Variants in GLYR1 observed in about 807,000 individuals in gnomAD.
GLYR1 encodes cytokine-like nuclear factor N-PAC.
A neutral mutation model predicts 72.7 loss-of-function variants in GLYR1; 21 were observed. The ratio of observed to expected loss-of-function variants is 0.29; its 90% confidence interval spans 0.20 to 0.42. GLYR1 has a LOEUF of 0.42. Ranked by LOEUF, GLYR1 falls within the 10% of genes least tolerant of loss-of-function variation. The pLI is 1.00. For missense variants in GLYR1, 594 were observed against 712.1 expected, an observed-to-expected ratio of 0.83 and a Z score of 1.89; for synonymous variants, 392 against 270.2, an observed-to-expected ratio of 1.45 and a Z score of -4.42.
intron 14 of GLYR1, 76 bp from the exon 15 acceptor site, chr16:4,811,370 A>G: frequency 1.3e-6 from 2 of 1,582,802 alleles, no homozygotes; most frequent in Non-Finnish European, 8.6e-7. Context: ...ACCAGGTGTC[A>G]GTACCTAAAA....
chr16:4,846,896 A>G (rs977764811), intron 1 of GLYR1: 1 of 398,650 alleles, frequency 2.5e-6, no homozygotes, highest in Non-Finnish European at 4.5e-6. Context: ...GGAAGCCCCA[A>G]CAAGACCCCG....
intron 2 of GLYR1, among the ~76,000 whole-genome samples, chr16:4,845,930 T>C (rs2085992773): frequency 6.6e-6 from 1 of 152,164 alleles, no homozygotes; most frequent in Admixed American, 6.5e-5. Flanking sequence ...ATTTCCGGGG[T>C]TAAAAAAGAA....
At position 4,817,598 on chromosome 16, in the gene GLYR1, T is replaced by A. The variant is rs200172197; in HGVS notation, c.906A>T (p.Lys302Asn). The A allele has an allele frequency of 1.1e-5, 18 of 1,599,742 alleles. No homozygotes were observed. The highest frequency in any genetic ancestry group is 1.7e-5 in the Admixed American group (1 of 59,972). ...TVTVWNRTAE[K>N]CDLFIQEGAR... Reference sequence around the variant, plus strand: ...ACAGGCACCACCCCTGAATGCTTACTTTCTCTGCAGTGCGGTTCCAGACAG... The same window carrying A: ...ACAGGCACCACCCCTGAATGCTTACATTCTCTGCAGTGCGGTTCCAGACAG... Residue 302 changes from lysine to asparagine, a missense_variant and splice_region_variant, in exon 10 of 16, where the codon AAA becomes AAT. By Grantham distance (94) the Lys-to-Asn change is moderately conservative (BLOSUM62 0). This residue lies in a region of GLYR1 where 266 missense variants were observed against 358.4 expected (regional missense o/e 0.74). Transcript: ENST00000321919.
Position 4,833,032 on chromosome 16 carries a change from C to T in GLYR1, c.156-120G>A, listed in dbSNP as rs535207673. The T allele has an allele frequency of 9.5e-6, 8 of 838,260 alleles. No homozygotes were observed. The South Asian group carries it at 1.8e-4, about 18-fold the overall frequency. 51.9% of individuals were successfully genotyped at this position (838,260 alleles called of 1,614,324 possible). ...GGTTTAACTGGACTTTGCAATAGGCCTTGCCATTTCTTTCAAAACATGCTA... is the reference window on the plus strand; with the variant it reads ...GGTTTAACTGGACTTTGCAATAGGCTTTGCCATTTCTTTCAAAACATGCTA... On this transcript the variant is annotated intron_variant, in intron 3 of 15. Coordinates refer to ENST00000321919, the MANE Select transcript of GLYR1 (RefSeq NM_032569.4).
chr16:4,846,988 C>A lies in GLYR1; in HGVS notation c.38+240G>T, dbSNP rs568705288. The A allele has an allele frequency of 1.2e-3, 663 of 547,336 alleles. 3 individuals are homozygous for A. The highest frequency in any genetic ancestry group is 0.011 in the African/African-American group (533 of 49,172). The allele number at this position is 547,336 out of a possible 1,614,324, so 33.9% of individuals were successfully genotyped here. On this transcript the variant is annotated intron_variant, in intron 1 of 15. Coordinates refer to ENST00000321919, the MANE Select transcript of GLYR1 (RefSeq NM_032569.4). The stretch of plus-strand genomic sequence containing the variant: ...CCAGTATCTGGGCCCCGAGTGCAGA[C>A]CCCACCCGGCCGGCCTCGGGGATCA...
At chr16:4,808,834 T>A (rs981402488) in intron 15 of GLYR1, among the ~76,000 whole-genome samples, 1 of 151,916 alleles carries the variant, frequency 6.6e-6, no homozygotes, top group East Asian at 1.9e-4. Flanking sequence ...GATACAGTTG[T>A]GCACGCCTAT....
At chr16:4,810,699 TAAAAA>T (rs551202037) in intron 15 of GLYR1, among the ~76,000 whole-genome samples, 2 of 21,814 alleles carry the variant, frequency 9.2e-5, no homozygotes, top group South Asian at 1.8e-3. Context: ...CTGTCTCTAC[TAAAAA>T]AAAAAAAAAA....
intron 5 of GLYR1, among the ~76,000 whole-genome samples, chr16:4,829,910 T>C (rs2090354418): frequency 6.6e-6 from 1 of 152,100 alleles, no homozygotes; most frequent in African/African-American, 2.4e-5. Flanking sequence ...CGACCTGAGG[T>C]GAACCACCTG....
chr16:4,821,403 G>A lies in GLYR1; in HGVS notation c.783C>T (p.Gly261=), dbSNP rs1237253519. The A allele has an allele frequency of 1.9e-6, 3 of 1,613,364 alleles. No homozygotes were observed. Among genetic ancestry groups the A allele is most frequent in the Middle Eastern group, 1.9e-4 (1 of 5,358 alleles). The change falls in exon 9 of 16, where the codon GGC becomes GGT. Residue 261 remains glycine, a synonymous_variant. Coordinates refer to ENST00000321919, the MANE Select transcript of GLYR1 (RefSeq NM_032569.4). The stretch of plus-strand genomic sequence containing the variant: ...ACTTTTTGTCTGTGGGTGTGATGCT[G>A]CCATTCACGGCTGTGCTGTCAGCTG... The part of the protein sequence containing the change: ...IQAADSTAVN[G]SITPTDKKIG...
chr16:4,830,178 G>A (rs2084699823), intron 5 of GLYR1, among the ~76,000 whole-genome samples: 2 of 150,570 alleles, frequency 1.3e-5, no homozygotes, highest in Admixed American at 1.3e-4. Context: ...CTCCGAAAAT[G>A]CTGGGATTAC....
intron 5 of GLYR1, among the ~76,000 whole-genome samples, chr16:4,824,600 T>A (rs2084262020): frequency 6.6e-6 from 1 of 152,054 alleles, no homozygotes; most frequent in Non-Finnish European, 1.5e-5. Context: ...TGATGAGATC[T>A]GCCCACATTT....
Position 4,805,168 on chromosome 16 carries a change from C to G in GLYR1, c.*68G>C, listed in dbSNP as rs867071935. On this transcript the variant is annotated 3_prime_UTR_variant, in exon 16 of 16. Coordinates refer to ENST00000321919, the MANE Select transcript of GLYR1 (RefSeq NM_032569.4). Reference sequence around the variant, plus strand: ...CTGGTCCAGAATGAACTCCCAGGCCCCCGACCCCATGTGAGGAAGAGGGGG... The same window carrying G: ...CTGGTCCAGAATGAACTCCCAGGCCGCCGACCCCATGTGAGGAAGAGGGGG... 7.4e-7 allele frequency: 1 copy of G among 1,358,904 alleles called. No homozygotes were observed. Among genetic ancestry groups the G allele is most frequent in the Non-Finnish European group, 1.0e-6 (1 of 953,718 alleles). 84.2% of individuals were successfully genotyped at this position (1,358,904 alleles called of 1,614,324 possible).
At chr16:4,823,759 A>AT in intron 6 of GLYR1, 62 bp downstream of exon 6, 6 of 1,130,104 alleles carry the variant, frequency 5.3e-6, no homozygotes, top group African/African-American at 1.6e-5. Flanking sequence ...AAAAAAAAAA[A>AT]GGATCACACA....
intron 7 of GLYR1, 121 bp from the exon 8 acceptor site, chr16:4,821,718 T>TG (rs2084038220): frequency 1.0e-5 from 9 of 873,304 alleles, no homozygotes; most frequent in Admixed American, 1.9e-5. Context: ...GTTTTATACT[T>TG]TAGTGAACTC....
intron 7 of GLYR1, 95 bp from the exon 8 acceptor site, chr16:4,821,692 T>C (rs1213474909): frequency 1.8e-5 from 20 of 1,133,372 alleles, no homozygotes; most frequent in Non-Finnish European, 2.7e-5. Flanking sequence ...AAGTGGGAAG[T>C]TAACATCAAC....
intron 10 of GLYR1, among the ~76,000 whole-genome samples, chr16:4,816,914 G>A (rs146243075): frequency 6.6e-6 from 1 of 151,382 alleles, no homozygotes. Context: ...TTGAACCTGG[G>A]AGGTGGAGGT....
chr16:4,844,702 G>A (rs982780523), intron 3 of GLYR1, among the ~76,000 whole-genome samples: 2 of 152,170 alleles, frequency 1.3e-5, no homozygotes, highest in Middle Eastern at 3.2e-3. Flanking sequence ...CAGAGGTTGC[G>A]GTGAACTGAG....
rs1045265550 is a variant in GLYR1, at chr16:4,805,028, G to A, written c.*208C>T. On this transcript the variant is annotated 3_prime_UTR_variant, in exon 16 of 16. Coordinates refer to ENST00000321919, the MANE Select transcript of GLYR1 (RefSeq NM_032569.4). Reference sequence around the variant, plus strand: ...GCCCAGCTCAAGAGCTTTCCCACACGCCAATCCTGCTGACACTTGTCCCCT... The same window carrying A: ...GCCCAGCTCAAGAGCTTTCCCACACACCAATCCTGCTGACACTTGTCCCCT... 27 of 562,620 alleles carry A rather than the reference G, an allele frequency of 4.8e-5. No homozygotes were observed. The East Asian group carries it at 5.4e-4, about 11-fold the overall frequency. 34.9% of individuals were successfully genotyped at this position (562,620 alleles called of 1,614,324 possible).
intron 5 of GLYR1, among the ~76,000 whole-genome samples, chr16:4,824,733 C>T (rs906782151): frequency 4.6e-5 from 7 of 152,028 alleles, no homozygotes; most frequent in East Asian, 3.9e-4. Context: ...ATCGATGGCC[C>T]GGCTCACCTT....
Sources: allele counts gnomAD v4.1 joint callset (sites outside exome capture counted in the v4.1 genomes callset), GRCh38; gene constraint gnomAD v4.1.1; regional missense constraint gnomAD v4.1.1; transcripts MANE v1.5; gene names NCBI Gene and HGNC (gene_info 2026-07-23, HGNC 2026-07-21).